AK9: variants seen among roughly 807,000 people sequenced by gnomAD.
AK9 encodes adenylate kinase domain containing 1.
In AK9, 191 loss-of-function variants were observed where a neutral mutation model predicts 239.6. That is an observed-to-expected ratio of 0.80 (90% CI 0.71 to 0.90). The LOEUF is 0.90. Among genes scored for constraint, AK9 ranks in the 40% least tolerant of loss-of-function variants. The pLI is 0.00. For missense variants in AK9, 1,995 were observed against 2,214.7 expected (o/e 0.90, Z 1.99); for synonymous variants, 689 against 721.0 (o/e 0.96, Z 0.71).
chr6:109,671,872 G>C, intron 5 of AK9, 47 bp downstream of exon 5: 1 of 1,567,764 alleles, frequency 6.4e-7, no homozygotes, highest in Non-Finnish European at 8.7e-7. Flanking sequence ...TAAAGCATGA[G>C]TTTTAAGGCT....
intron 5 of AK9, 127 bp from the exon 6 acceptor site, chr6:109,662,790 C>G: frequency 2.8e-6 from 1 of 351,506 alleles, no homozygotes. Flanking sequence ...AGTCATCTCT[C>G]AAAAATTTTA....
chr6:109,656,995 G>C, intron 7 of AK9, 111 bp from the exon 8 acceptor site: 1 of 1,245,892 alleles, frequency 8.0e-7, no homozygotes, highest in Non-Finnish European at 1.1e-6. Context: ...GAGAAGCAGG[G>C]GGAGGGGACG....
At chr6:109,680,766 C>T (rs942221420) in intron 1 of AK9, among the ~76,000 whole-genome samples, 8 of 152,264 alleles carry the variant, frequency 5.3e-5, no homozygotes, top group African/African-American at 1.9e-4. Context: ...CTGCAGAAAC[C>T]CTACAAGCCA....
chr6:109,592,071 G>A (rs1433867783), intron 17 of AK9, among the ~76,000 whole-genome samples: 1 of 152,068 alleles, frequency 6.6e-6, no homozygotes, highest in African/African-American at 2.4e-5. Flanking sequence ...TGAATCTTTT[G>A]CCAAAAACTG....
At position 109,499,128 on chromosome 6, in the gene AK9, A is replaced by G. The variant is rs751058005; in HGVS notation, c.4962T>C (p.Phe1654=). The G allele has an allele frequency of 1.9e-6, 3 of 1,610,606 alleles. No individual in the cohort carries two copies. Among genetic ancestry groups the G allele is most frequent in the African/African-American group, 2.7e-5 (2 of 74,786 alleles). Residue 1654 remains phenylalanine, a synonymous_variant, in exon 36 of 41, where the codon TTT becomes TTC. Transcript: ENST00000424296. ...CCAAGGAGTCAGTTGCAGAGCAATC[A>G]AATAATTCCTGGGATTCTGCCAGGC... ...PVSLAESQEL[F]DCSATDSLEF...
At chr6:109,536,199 A>G (rs1781966906) in intron 27 of AK9, among the ~76,000 whole-genome samples, 1 of 152,000 alleles carries the variant, frequency 6.6e-6, no homozygotes, top group Non-Finnish European at 1.5e-5. Flanking sequence ...ACCTTGGGCA[A>G]TATGGCCATT....
chr6:109,634,850 GA>G (rs1796519378), intron 10 of AK9, among the ~76,000 whole-genome samples: 1 of 152,046 alleles, frequency 6.6e-6, no homozygotes, highest in Admixed American at 6.6e-5. Flanking sequence ...ACCCATACAT[GA>G]AAAAAGTATT....
chr6:109,501,928 T>C (rs1010372288), intron 35 of AK9, among the ~76,000 whole-genome samples: 10 of 152,212 alleles, frequency 6.6e-5, no homozygotes, highest in Admixed American at 2.6e-4. Context: ...ACAAATGACT[T>C]TGAACCTTAC....
At chr6:109,535,361 G>C (rs917392910) in intron 27 of AK9, among the ~76,000 whole-genome samples, 1 of 152,176 alleles carries the variant, frequency 6.6e-6, no homozygotes, top group Admixed American at 6.5e-5. Context: ...GGTCAGTGAT[G>C]ATGAGCATTT....
Position 109,662,577 on chromosome 6 carries a change from T to C in AK9, c.418A>G (p.Lys140Glu). 2 of 1,574,572 alleles carry C rather than the reference T, an allele frequency of 1.3e-6. No homozygotes were observed. The highest frequency in any genetic ancestry group is 1.7e-6 in the Non-Finnish European group (2 of 1,159,562). ...TTTATATTGATTATAACATCAGGTT[T>C]CAGGTTTAAGTTTTTAATTAATTCT... ...QIELIKNLNL[K>E]PDVIINIKCP... Residue 140 changes from lysine (K) to glutamate (E), a missense_variant, in exon 6 of 41, where the codon AAA (lysine) becomes GAA (glutamate). By Grantham distance (56) the Lys-to-Glu change is moderately conservative (BLOSUM62 1). This residue lies in a region of AK9 where 252 missense variants were observed against 246.4 expected (regional missense o/e 1.02). Coordinates refer to ENST00000424296, the MANE Select transcript of AK9 (RefSeq NM_001145128.3).
At chr6:109,505,637 A>G (rs138849033) in intron 35 of AK9, among the ~76,000 whole-genome samples, 9 of 152,320 alleles carry the variant, frequency 5.9e-5, no homozygotes, top group Admixed American at 2.0e-4. Flanking sequence ...ATGGACCCGT[A>G]TAACTACTGC....
intron 24 of AK9, among the ~76,000 whole-genome samples, chr6:109,554,903 C>T (rs965086484): frequency 6.6e-6 from 1 of 151,972 alleles, no homozygotes. Context: ...TGTTTGATTC[C>T]TCTCTCTCAG....
chr6:109,547,124 C>T (rs547405720), intron 25 of AK9, among the ~76,000 whole-genome samples: 1 of 152,256 alleles, frequency 6.6e-6, no homozygotes, highest in African/African-American at 2.4e-5. Context: ...AAATGACCCC[C>T]AACACCAGTG....
intron 27 of AK9, among the ~76,000 whole-genome samples, chr6:109,538,394 G>T (rs1046017573): frequency 2.6e-5 from 4 of 152,032 alleles, no homozygotes; most frequent in East Asian, 1.9e-4. Context: ...TTTGTTGGTT[G>T]AAAGTCTGTT....
intron 8 of AK9, among the ~76,000 whole-genome samples, chr6:109,649,250 G>A (rs1798554188): frequency 6.6e-6 from 1 of 151,882 alleles, no homozygotes; most frequent in African/African-American, 2.4e-5. Flanking sequence ...AGGGCAATCA[G>A]GCAGGAGAAG....
intron 13 of AK9, among the ~76,000 whole-genome samples, chr6:109,615,293 A>T (rs78409717): frequency 0.015 from 2,199 of 151,632 alleles, 55 homozygotes; most frequent in African/African-American, 0.051. Flanking sequence ...TTCTATTAAA[A>T]TGTGAGCACC....
In AK9 at chr6:109,609,880, A is replaced by G. The variant is rs544257637; in HGVS notation, c.1842+485T>C. On this transcript the variant is annotated intron_variant, in intron 17 of 40. Coordinates refer to ENST00000424296, the MANE Select transcript of AK9 (RefSeq NM_001145128.3). ...AGGCCTTCTGATCTGCCATTGATAGATAGCATTTGAGGATTTTTTTTTCCC... is the reference window on the plus strand; with the variant it reads ...AGGCCTTCTGATCTGCCATTGATAGGTAGCATTTGAGGATTTTTTTTTCCC... Among the ~76,000 whole-genome samples the G allele has an allele frequency of 4.6e-5, 7 of 152,308 alleles. No individual in the cohort carries two copies. The East Asian group carries it at 1.4e-3, about 29-fold the overall frequency.
chr6:109,506,260 A>T (rs954383764), intron 35 of AK9, 67 bp downstream of exon 35: 55 of 1,446,110 alleles, frequency 3.8e-5, no homozygotes, highest in Non-Finnish European at 4.8e-5. Flanking sequence ...GAATTACAGT[A>T]ACATGAGTCA....
intron 12 of AK9, chr6:109,632,137 G>T (rs1365867779): frequency 1.0e-6 from 1 of 984,470 alleles, no homozygotes; most frequent in Non-Finnish European, 1.2e-6. Flanking sequence ...GTAACTCAGT[G>T]GGCTTCACTT....
Sources: allele counts gnomAD v4.1 joint callset (sites outside exome capture counted in the v4.1 genomes callset), GRCh38; gene constraint gnomAD v4.1.1; regional missense constraint gnomAD v4.1.1; transcripts MANE v1.5; gene names NCBI Gene and HGNC (gene_info 2026-07-23, HGNC 2026-07-21).